The following PXDNL variants were observed in gnomAD, a reference collection of about 807,000 sequenced individuals.
PXDNL encodes the protein probable oxidoreductase PXDNL.
A neutral mutation model predicts 150.8 loss-of-function variants in PXDNL; 145 were observed. The observed-to-expected ratio is 0.96, with a 90% CI of 0.84 to 1.10. The LOEUF is 1.10. Among genes scored for constraint, PXDNL ranks in the 50% least tolerant of loss-of-function variants. The pLI is 0.00. For missense variants in PXDNL, 2,087 were observed against 1,873.9 expected (o/e 1.11, Z -2.10); for synonymous variants, 757 against 725.7 (o/e 1.04, Z -0.69).
At position 51,408,175 on chromosome 8, in the gene PXDNL, ATCCCGTGGTC is replaced by A; in HGVS notation, c.3439_3448del (p.Asp1147SerfsTer13). 6.2e-7 allele frequency: 1 copy of A among 1,614,056 alleles called. No individual in the cohort carries two copies. The highest frequency in any genetic ancestry group is 8.5e-7 in the Non-Finnish European group (1 of 1,179,904). On this transcript the variant is annotated frameshift_variant, in exon 17 of 23. Coordinates refer to ENST00000356297, the MANE Select transcript of PXDNL (RefSeq NM_144651.5). LOFTEE classifies it high-confidence loss of function. ...AACTCTGAAGTCAACATATGGTGGG[ATCCCGTGGTC>A]TCTACCCCTTTGAATGATGGTGGCA...
intron 12 of PXDNL, among the ~76,000 whole-genome samples, chr8:51,443,621 T>C (rs1809605490): frequency 6.6e-6 from 1 of 152,230 alleles, no homozygotes; most frequent in Admixed American, 6.5e-5. Context: ...CTCATGGCAT[T>C]TTTAAATAAC....
chr8:51,642,079 C>G (rs1361706104), intron 2 of PXDNL, among the ~76,000 whole-genome samples: 1 of 151,906 alleles, frequency 6.6e-6, no homozygotes, highest in Non-Finnish European at 1.5e-5. Context: ...AATTGGAAAC[C>G]ATCATTCTCA....
At chr8:51,459,576 CT>C (rs758535260) in intron 8 of PXDNL, among the ~76,000 whole-genome samples, 43 of 152,298 alleles carry the variant, frequency 2.8e-4, no homozygotes, top group Non-Finnish European at 5.0e-4. Context: ...TGCATCATTC[CT>C]TTTCCTAGTA....
At chr8:51,605,339 A>C (rs1174932604) in intron 2 of PXDNL, among the ~76,000 whole-genome samples, 1 of 152,116 alleles carries the variant, frequency 6.6e-6, no homozygotes, top group Non-Finnish European at 1.5e-5. Flanking sequence ...CTATTTTCCA[A>C]GGCTTCCTGG....
rs201574671 is a variant in PXDNL at position 51,339,670 on chromosome 8, G to A, written c.4100C>T (p.Thr1367Met). Reference sequence around the variant, plus strand: ...GGTTTCCTGAATTTCCGCTGCAAACGTGCTGAAATCTTGGGAGAACTTTGT... The same window carrying A: ...GGTTTCCTGAATTTCCGCTGCAAACATGCTGAAATCTTGGGAGAACTTTGT... ...AKTKFSQDFS[T>M]FAAEIQETIT... is the part of the protein sequence containing the mutation. The change falls in exon 21 of 23, where the codon ACG becomes ATG. Residue 1367 changes from threonine to methionine, a missense_variant. By Grantham distance (81) the Thr-to-Met change is moderately conservative (BLOSUM62 -1). Coordinates refer to ENST00000356297, the MANE Select transcript of PXDNL (RefSeq NM_144651.5). 3.7e-5 allele frequency: 59 copies of A among 1,613,558 alleles called. No individual in the cohort carries two copies. In the Middle Eastern group the frequency reaches 6.6e-4, roughly 18 times the overall value.
At chr8:51,556,098 C>G (rs1325399963) in intron 4 of PXDNL, among the ~76,000 whole-genome samples, 2 of 151,864 alleles carry the variant, frequency 1.3e-5, no homozygotes, top group South Asian at 4.1e-4. Context: ...GTGGTGAAAC[C>G]CTGTCTCTAC....
chr8:51,463,278 A>T (rs1810124615), intron 8 of PXDNL, among the ~76,000 whole-genome samples: 1 of 152,230 alleles, frequency 6.6e-6, no homozygotes, highest in South Asian at 2.1e-4. Flanking sequence ...TCACATATCA[A>T]TATTAACCTT....
At chr8:51,595,937 T>G (rs1294865436) in intron 2 of PXDNL, among the ~76,000 whole-genome samples, 1 of 152,162 alleles carries the variant, frequency 6.6e-6, no homozygotes, top group Non-Finnish European at 1.5e-5. Context: ...GGGGCACATG[T>G]GCAGATATGT....
At chr8:51,428,044 AAT>A (rs1224045978) in intron 12 of PXDNL, among the ~76,000 whole-genome samples, 1 of 152,232 alleles carries the variant, frequency 6.6e-6, no homozygotes, top group Non-Finnish European at 1.5e-5. Context: ...CAAATGTATT[AAT>A]ATATAGATAG....
At chr8:51,377,230 TACTTG>T (rs1807350081) in intron 17 of PXDNL, among the ~76,000 whole-genome samples, 1 of 150,390 alleles carries the variant, frequency 6.6e-6, no homozygotes, top group African/African-American at 2.4e-5. Context: ...GACAACTTAG[TACTTG>T]GTGCTGGAGT....
chr8:51,565,529 T>C (rs1018658008), intron 3 of PXDNL, among the ~76,000 whole-genome samples: 2 of 151,606 alleles, frequency 1.3e-5, no homozygotes, highest in African/African-American at 4.8e-5. Flanking sequence ...ATATGTCGTT[T>C]TTTACTATTA....
chr8:51,639,167 C>G (rs1362372257), intron 2 of PXDNL, among the ~76,000 whole-genome samples: 1 of 152,140 alleles, frequency 6.6e-6, no homozygotes, highest in Non-Finnish European at 1.5e-5. Context: ...AACAAAGACA[C>G]AACATACCAG....
At chr8:51,359,627 C>A (rs1276208955) in intron 19 of PXDNL, among the ~76,000 whole-genome samples, 1 of 152,024 alleles carries the variant, frequency 6.6e-6, no homozygotes. Context: ...GTATAAATTT[C>A]CCCTTGTTGA....
chr8:51,447,700 C>A (rs879306319), intron 11 of PXDNL, among the ~76,000 whole-genome samples: 2 of 152,164 alleles, frequency 1.3e-5, no homozygotes, highest in Admixed American at 1.3e-4. Flanking sequence ...CTTCTTAACA[C>A]TTTACTCTTA....
At chr8:51,335,782 T>C (rs1389589427) in intron 21 of PXDNL, among the ~76,000 whole-genome samples, 1 of 150,974 alleles carries the variant, frequency 6.6e-6, no homozygotes, top group Admixed American at 6.6e-5. Context: ...TAATAAAATG[T>C]TCTGAGTGTA....
intron 11 of PXDNL, 81 bp downstream of exon 11, chr8:51,448,921 T>A: frequency 2.6e-6 from 2 of 763,388 alleles, no homozygotes; most frequent in Non-Finnish European, 4.7e-6. Flanking sequence ...CCTTCGATAA[T>A]TAATTTAAAC....
rs1263551229 is a variant in PXDNL at position 51,409,463 on chromosome 8, G to T, written c.2161C>A (p.Arg721=). The T allele has an allele frequency of 1.2e-6, 2 of 1,612,720 alleles. No individual in the cohort carries two copies. Among genetic ancestry groups the T allele is most frequent in the Middle Eastern group, 1.7e-4 (1 of 6,058 alleles). ...GCGCGGTACTTCGCATGGAAACACC[G>T]GTTGGAGCAGTTTGGCAGAGGCCTG... ...ARRPLPNCSN[R]CFHAKYRAHD... The change falls in exon 17 of 23, where the codon CGG becomes AGG. Residue 721 remains arginine, a synonymous_variant. Coordinates refer to ENST00000356297, the MANE Select transcript of PXDNL (RefSeq NM_144651.5).
chr8:51,744,961 AAAG>A lies in PXDNL; in HGVS notation c.164+64217_164+64219del, dbSNP rs199523936. Among the ~76,000 whole-genome samples the A allele has an allele frequency of 3.2e-3, 422 of 130,528 alleles. 25 individuals are homozygous for A. The highest frequency in any genetic ancestry group is 8.2e-3 in the African/African-American group (258 of 31,492). 85.6% of individuals were successfully genotyped at this position (130,528 alleles called of 152,430 possible). ...GAAAGAAAGAAAGAAAGAAAGAAAG[AAAG>A]AAAGAAAGAAAGAAAGAAAGAAAGA... On this transcript the variant is annotated intron_variant, in intron 1 of 22. Transcript: ENST00000356297.
At chr8:51,760,118 CG>C (rs1443580469) in intron 1 of PXDNL, among the ~76,000 whole-genome samples, 1 of 152,162 alleles carries the variant, frequency 6.6e-6, no homozygotes, top group Admixed American at 6.5e-5. Flanking sequence ...TGTTAAAACT[CG>C]GAAGTCCATC....
Sources: gnomAD v4.1 joint callset for allele counts (sites outside exome capture counted in the v4.1 genomes callset) on GRCh38, gnomAD v4.1.1 for gene constraint, MANE v1.5 for transcripts, NCBI Gene and HGNC (gene_info 2026-07-23, HGNC 2026-07-21) for gene names.